LUZP2: variants seen among roughly 807,000 people sequenced by gnomAD.
The protein encoded by LUZP2 is leucine zipper protein 2.
LUZP2 carries 52 observed loss-of-function variants against 51.6 expected under a neutral mutation model. The observed-to-expected ratio is 1.01, with a 90% confidence interval of 0.81 to 1.27. LUZP2 has a LOEUF of 1.27. Among genes scored for constraint, LUZP2 ranks in the 50% most tolerant of loss-of-function variants. LUZP2 has a pLI of 0.00. For synonymous variants in LUZP2, 154 were observed against 137.3 expected (o/e 1.12, Z -0.85); for missense variants, 436 against 395.4 (o/e 1.10, Z -0.87).
rs528395234 is a variant in LUZP2 at position 24,735,113 on chromosome 11, C to T, written c.251+2925C>T. Among the ~76,000 whole-genome samples, 3 of 152,020 alleles carry T rather than the reference C, an allele frequency of 2.0e-5. No individual in the cohort carries two copies. The East Asian group carries it at 5.8e-4, about 29-fold the overall frequency. Reference sequence around the variant, plus strand: ...GCTAGGCTGTAAGTAAATTCAGGGGCTATGCTGTGGCCACATACAACTATG... The same window carrying T: ...GCTAGGCTGTAAGTAAATTCAGGGGTTATGCTGTGGCCACATACAACTATG... On this transcript the variant is annotated intron_variant, in intron 3 of 11. Coordinates refer to ENST00000336930, the MANE Select transcript of LUZP2 (RefSeq NM_001009909.4).
chr11:25,069,626 A>G (rs527843964), intron 10 of LUZP2, among the ~76,000 whole-genome samples: 5 of 151,832 alleles, frequency 3.3e-5, no homozygotes, highest in Admixed American at 6.6e-5. Flanking sequence ...ATATATTCTG[A>G]AAAAAGTTAA....
intron 1 of LUZP2, among the ~76,000 whole-genome samples, chr11:24,581,609 A>G (rs745575244): frequency 1.3e-5 from 2 of 151,872 alleles, no homozygotes; most frequent in Non-Finnish European, 2.9e-5. Context: ...AGGTGGAGGC[A>G]TCAAAGAGTC....
intron 10 of LUZP2, among the ~76,000 whole-genome samples, chr11:25,056,773 G>A (rs920524868): frequency 1.3e-5 from 2 of 152,060 alleles, no homozygotes; most frequent in Non-Finnish European, 2.9e-5. Context: ...ATAATCCCAC[G>A]TAGATTTTCT....
At chr11:24,959,822 C>G (rs1049492461) in intron 7 of LUZP2, among the ~76,000 whole-genome samples, 9 of 152,142 alleles carry the variant, frequency 5.9e-5, no homozygotes, top group Non-Finnish European at 1.3e-4. Flanking sequence ...GCATCCCTGT[C>G]TTGTGCCAGT....
chr11:24,794,603 A>G (rs1849500674), intron 5 of LUZP2, among the ~76,000 whole-genome samples: 1 of 152,180 alleles, frequency 6.6e-6, no homozygotes, highest in African/African-American at 2.4e-5. Flanking sequence ...TTAGAATGAG[A>G]CAAGCTATGA....
rs370738939 is a variant in LUZP2, at chr11:24,763,308, G to A, written c.396G>A (p.Glu132=). 3.0e-6 allele frequency: 4 copies of A among 1,351,870 alleles called. No homozygotes were observed. The highest frequency in any genetic ancestry group is 1.8e-5 in the South Asian group (1 of 55,512). The allele number at this position is 1,351,870 out of a possible 1,614,324, so 83.7% of individuals were successfully genotyped here. The part of the protein sequence containing the change: ...KSKMIRDLQN[E]NKSLKNKLLS... ...AAATGATCCGAGACCTCCAGAATGA[G>A]GTAAGATATATTTCATCTTAGATAC... is the stretch of plus-strand genomic sequence containing the variant. Residue 132 remains glutamate, a splice_region_variant and synonymous_variant, in exon 5 of 12, where the codon GAG becomes GAA. Transcript: ENST00000336930.
intron 9 of LUZP2, among the ~76,000 whole-genome samples, chr11:25,017,808 C>A (rs965062947): frequency 6.6e-6 from 1 of 151,958 alleles, no homozygotes; most frequent in African/African-American, 2.4e-5. Context: ...TTTTCCTAAT[C>A]GTGTGAAAAA....
At chr11:25,044,038 A>ATATATCTGATATATATATAGTC (rs1565273138) in intron 9 of LUZP2, among the ~76,000 whole-genome samples, 237 of 11,132 alleles carry the variant, frequency 0.021, 14 homozygotes, top group East Asian at 0.12. Flanking sequence ...TATAGAGTCT[A>ATATATCTGATATATATATAGTC]TATATATATC....
At chr11:25,036,273 A>T (rs1277583613) in intron 9 of LUZP2, among the ~76,000 whole-genome samples, 3 of 152,130 alleles carry the variant, frequency 2.0e-5, no homozygotes, top group African/African-American at 7.2e-5. Flanking sequence ...AGCTTTTCAT[A>T]GTCTTTGAGG....
At chr11:24,732,681 T>C (rs1215069196) in intron 3 of LUZP2, among the ~76,000 whole-genome samples, 2 of 151,790 alleles carry the variant, frequency 1.3e-5, no homozygotes, top group Non-Finnish European at 3.0e-5. Flanking sequence ...AAGCATATTA[T>C]GAAATATACT....
chr11:24,766,082 T>A (rs1013710085), intron 5 of LUZP2, among the ~76,000 whole-genome samples: 2 of 152,168 alleles, frequency 1.3e-5, no homozygotes, highest in Non-Finnish European at 2.9e-5. Context: ...TTCAAGCACC[T>A]TTATTTCATC....
chr11:24,559,488 T>G (rs1286625689), intron 1 of LUZP2, among the ~76,000 whole-genome samples: 3 of 152,162 alleles, frequency 2.0e-5, no homozygotes, highest in African/African-American at 7.2e-5. Flanking sequence ...TGACTACCAA[T>G]AAAGAGAGCA....
chr11:24,597,227 AT>A (rs550913224), intron 1 of LUZP2, among the ~76,000 whole-genome samples: 6 of 152,294 alleles, frequency 3.9e-5, no homozygotes, highest in African/African-American at 1.4e-4. Flanking sequence ...TCTTTTTAAA[AT>A]TTTAGTTATT....
At chr11:24,848,214 C>CT (rs1851264807) in intron 5 of LUZP2, among the ~76,000 whole-genome samples, 1 of 152,028 alleles carries the variant, frequency 6.6e-6, no homozygotes, top group Non-Finnish European at 1.5e-5. Flanking sequence ...ATCCATTTAT[C>CT]TATCTATATT....
intron 5 of LUZP2, among the ~76,000 whole-genome samples, chr11:24,900,278 G>A (rs1853235576): frequency 6.6e-6 from 1 of 152,138 alleles, no homozygotes; most frequent in African/African-American, 2.4e-5. Flanking sequence ...TTTTGGCCTT[G>A]CTTGTAAGAC....
chr11:24,934,288 A>G (rs1187130409), intron 7 of LUZP2, among the ~76,000 whole-genome samples: 1 of 152,128 alleles, frequency 6.6e-6, no homozygotes, highest in Non-Finnish European at 1.5e-5. Context: ...ATACATCCAA[A>G]GTTTAACAAT....
intron 7 of LUZP2, among the ~76,000 whole-genome samples, chr11:24,954,852 G>A (rs913862426): frequency 2.0e-5 from 3 of 152,022 alleles, no homozygotes; most frequent in Admixed American, 6.6e-5. Context: ...AATGATATTC[G>A]TAGTGCAAAA....
intron 7 of LUZP2, among the ~76,000 whole-genome samples, chr11:24,966,603 A>G (rs1855587929): frequency 6.7e-6 from 1 of 149,002 alleles, no homozygotes; most frequent in South Asian, 2.1e-4. Flanking sequence ...ACATGCACAC[A>G]TGCATTACGT....
At chr11:25,056,000 T>C (rs1393960360) in intron 10 of LUZP2, among the ~76,000 whole-genome samples, 1 of 152,184 alleles carries the variant, frequency 6.6e-6, no homozygotes, top group Non-Finnish European at 1.5e-5. Flanking sequence ...ATGAAAGCTA[T>C]GCCTCTCACA....
Sources: allele counts gnomAD v4.1 joint callset (sites outside exome capture counted in the v4.1 genomes callset), GRCh38; gene constraint gnomAD v4.1.1; transcripts MANE v1.5; gene names NCBI Gene and HGNC (gene_info 2026-07-23, HGNC 2026-07-21).